The following PKD1L1 variants were observed in gnomAD, a reference collection of about 807,000 sequenced individuals.
The protein encoded by PKD1L1 is polycystin 1 like 1, transient receptor potential channel interacting.
Under a neutral mutation model 323.4 loss-of-function variants are expected in PKD1L1, and 236 were observed. The ratio of observed to expected loss-of-function variants is 0.73; its 90% CI spans 0.66 to 0.81. The LOEUF (loss-of-function observed/expected upper bound fraction) is 0.81. Ranked by LOEUF, PKD1L1 falls within the 40% of genes least tolerant of loss-of-function variation. PKD1L1 has a pLI of 0.00. For missense variants in PKD1L1, 3,320 were observed against 3,508.0 expected (o/e 0.95, Z 1.35); for synonymous variants, 1,344 against 1,335.0 (o/e 1.01, Z -0.15).
chr7:47,812,894 G>C (rs1212143660), intron 49 of PKD1L1, among the ~76,000 whole-genome samples: 1 of 152,206 alleles, frequency 6.6e-6, no homozygotes, highest in Non-Finnish European at 1.5e-5. Flanking sequence ...ACCACTTTTT[G>C]AAAGAACGTT....
chr7:47,807,633 G>A (rs1784808449), intron 52 of PKD1L1, among the ~76,000 whole-genome samples: 1 of 152,202 alleles, frequency 6.6e-6, no homozygotes, highest in African/African-American at 2.4e-5. Context: ...GTCCCATGCT[G>A]TTGTGGGGGG....
At chr7:47,860,402 T>C (rs1785998809) in intron 26 of PKD1L1, among the ~76,000 whole-genome samples, 1 of 152,224 alleles carries the variant, frequency 6.6e-6, no homozygotes, top group African/African-American at 2.4e-5. Context: ...CTTTGTACCT[T>C]AGCAGCTCCT....
Position 47,792,762 on chromosome 7 carries a change from G to C in PKD1L1, c.8391C>G (p.Asp2797Glu). 1.2e-6 allele frequency: 2 copies of C among 1,613,784 alleles called. No homozygotes were observed. Among genetic ancestry groups the C allele is most frequent in the Non-Finnish European group, 1.7e-6 (2 of 1,179,878 alleles). ...YYLDEFANLLDELLMKINGLS... is the reference protein window; with the variant it reads ...YYLDEFANLLEELLMKINGLS... Reference sequence around the variant, plus strand: ...AACCATTAATCTTCATCAGAAGTTCGTCTAACAGATTTGCAAATTCATCCA... The same window carrying C: ...AACCATTAATCTTCATCAGAAGTTCCTCTAACAGATTTGCAAATTCATCCA... Residue 2797 changes from aspartate (D) to glutamate (E), a missense_variant, in exon 56 of 57, where the codon GAC becomes GAG. Physicochemically the swap from Asp to Glu is conservative, Grantham distance 45 (BLOSUM62 2). Coordinates refer to ENST00000289672, the MANE Select transcript of PKD1L1 (RefSeq NM_138295.5).
chr7:47,905,405 C>T (rs2128751118), intron 10 of PKD1L1, 80 bp from the exon 11 acceptor site: 3 of 1,451,400 alleles, frequency 2.1e-6, no homozygotes, highest in African/African-American at 1.4e-5. Flanking sequence ...CCTCTACTTT[C>T]CCACTTGGTC....
chr7:47,835,225 G>A lies in PKD1L1; in HGVS notation c.5962C>T (p.Pro1988Ser), dbSNP rs769891814. Residue 1988 changes from proline (P) to serine (S), a missense_variant, in exon 38 of 57, where the codon CCC (proline) becomes TCC (serine). Transcript: ENST00000289672. ...GQEQPHLDVSPTLGSFRVGLL... is the reference protein window; with the variant it reads ...GQEQPHLDVSSTLGSFRVGLL... ...CCCACCCTGAAGGATCCAAGGGTGGGGCTGACGTCCAAGTGGGGCTGCAAC... is the reference window on the plus strand; with the variant it reads ...CCCACCCTGAAGGATCCAAGGGTGGAGCTGACGTCCAAGTGGGGCTGCAAC... 3.1e-6 allele frequency: 5 copies of A among 1,589,704 alleles called. No individual in the cohort carries two copies. Among genetic ancestry groups the A allele is most frequent in the Non-Finnish European group, 4.3e-6 (5 of 1,173,800 alleles).
At chr7:47,883,273 T>C (rs962599225) in intron 19 of PKD1L1, among the ~76,000 whole-genome samples, 4 of 152,200 alleles carry the variant, frequency 2.6e-5, no homozygotes, top group Non-Finnish European at 5.9e-5. Flanking sequence ...AGCCAACTCT[T>C]AGAGATTACA....
chr7:47,858,502 C>T (rs144868150), intron 27 of PKD1L1, among the ~76,000 whole-genome samples, 171 bp downstream of exon 27: 1,725 of 152,212 alleles, frequency 0.011, 13 homozygotes, highest in Non-Finnish European at 0.017. Context: ...CCATGAAATA[C>T]TTAAAATTCA....
At chr7:47,836,873 G>C in intron 37 of PKD1L1, 48 bp downstream of exon 37, 1 of 1,579,794 alleles carries the variant, frequency 6.3e-7, no homozygotes, top group South Asian at 1.1e-5. Flanking sequence ...AGGGGCCACA[G>C]TGTAGTCGGA....
intron 7 of PKD1L1, among the ~76,000 whole-genome samples, chr7:47,916,680 C>A (rs1207965053): frequency 6.6e-6 from 1 of 152,158 alleles, no homozygotes; most frequent in Non-Finnish European, 1.5e-5. Flanking sequence ...CCAGTACCAG[C>A]CTGGAATCTG....
rs1298136168 is a variant in PKD1L1 at position 47,845,796 on chromosome 7, G to A, written c.5154-718C>T. Among the ~76,000 whole-genome samples, 3 of 152,118 alleles carry A rather than the reference G, an allele frequency of 2.0e-5. No homozygotes were observed. The East Asian group carries it at 5.8e-4, about 29-fold the overall frequency. ...GGGTTTCGCTATGTTGGCCAGGCTG[G>A]TCTCAAACTCCTAACCTCAAGTGAT... is the stretch of plus-strand genomic sequence containing the variant. On this transcript the variant is annotated intron_variant, in intron 32 of 56. Transcript: ENST00000289672.
chr7:47,944,794 G>A (rs1216941080), intron 1 of PKD1L1, among the ~76,000 whole-genome samples: 2 of 152,204 alleles, frequency 1.3e-5, no homozygotes, highest in Non-Finnish European at 2.9e-5. Flanking sequence ...CTTTCAGCCT[G>A]TAGCTCCTTG....
upstream of PKD1L1, among the ~76,000 whole-genome samples, chr7:47,950,444 G>GCACTCTCATAGC (rs539510419): frequency 2.6e-5 from 4 of 152,176 alleles, no homozygotes; most frequent in African/African-American, 7.2e-5. Context: ...TACGTGGGAG[G>GCACTCTCATAGC]CACTCTCATA....
chr7:47,782,084 T>G (rs57776866), intron 56 of PKD1L1, among the ~76,000 whole-genome samples: 22,423 of 152,052 alleles, frequency 0.15, 1,834 homozygotes, highest in African/African-American at 0.17. Flanking sequence ...TGTGGCTGCA[T>G]AGTATAGTAT....
intron 46 of PKD1L1, among the ~76,000 whole-genome samples, chr7:47,816,288 C>T (rs2128730990): frequency 6.6e-6 from 1 of 152,294 alleles, no homozygotes; most frequent in Non-Finnish European, 1.5e-5. Context: ...TATAGATATG[C>T]TTCATTTTTC....
At chr7:47,788,526 G>A (rs1487188564) in intron 56 of PKD1L1, among the ~76,000 whole-genome samples, 1 of 148,938 alleles carries the variant, frequency 6.7e-6, no homozygotes, top group East Asian at 1.9e-4. Flanking sequence ...CCAAAGTGCT[G>A]GGATTACAGG....
At chr7:47,777,782 G>A (rs1031848011) in intron 56 of PKD1L1, among the ~76,000 whole-genome samples, 2 of 152,188 alleles carry the variant, frequency 1.3e-5, no homozygotes, top group African/African-American at 2.4e-5. Context: ...ATCCTAGAAA[G>A]GCAGCTCTGT....
At position 47,915,557 on chromosome 7, in the gene PKD1L1, G is replaced by A; in HGVS notation, c.1103C>T (p.Thr368Ile). ...HLLHFQLDMS[T>I]YKEAETQNTT... is the part of the protein sequence containing the mutation. Reference sequence around the variant, plus strand: ...ATTTTGTGTCTCTGCTTCTTTGTAGGTGGACATATCCAACTGAAAATGTAA... The same window carrying A: ...ATTTTGTGTCTCTGCTTCTTTGTAGATGGACATATCCAACTGAAAATGTAA... The change falls in exon 8 of 57, where the codon ACC becomes ATC. Residue 368 changes from threonine (T) to isoleucine (I), a missense_variant. By Grantham distance (89) the Thr-to-Ile change is moderately conservative. Coordinates refer to ENST00000289672, the MANE Select transcript of PKD1L1 (RefSeq NM_138295.5). The A allele has an allele frequency of 6.4e-7, 1 of 1,561,566 alleles. No individual in the cohort carries two copies.
intron 2 of PKD1L1, among the ~76,000 whole-genome samples, chr7:47,943,162 AAATATATAT>A (rs1430599925): frequency 1.5e-3 from 35 of 22,624 alleles, no homozygotes; most frequent in African/African-American, 5.1e-3. Flanking sequence ...AAAAAAAAAA[AAATATATAT>A]ATATATATAT....
In PKD1L1 at chr7:47,821,190, T is replaced by A. The variant is rs951634038; in HGVS notation, c.6855-4A>T. ...GAGGATGTCCATGGAAATGTCTCTG[T>A]AAGAAGAGTTTTTAAGTTAGCATCC... is the stretch of plus-strand genomic sequence containing the variant. On this transcript the variant is annotated splice_polypyrimidine_tract_variant and splice_region_variant and intron_variant, in intron 45 of 56. Transcript: ENST00000289672. 1 of 1,582,946 alleles carries A rather than the reference T, an allele frequency of 6.3e-7. No homozygotes were observed. The highest frequency in any genetic ancestry group is 1.4e-5 in the African/African-American group (1 of 73,964).
Sources: allele counts gnomAD v4.1 joint callset (sites outside exome capture counted in the v4.1 genomes callset), GRCh38; gene constraint gnomAD v4.1.1; transcripts MANE v1.5; gene names NCBI Gene and HGNC (gene_info 2026-07-23, HGNC 2026-07-21).